Variants in NXPH2 observed in about 807,000 individuals in gnomAD.
NXPH2 encodes the protein neurexophilin-2.
NXPH2 carries 5 observed loss-of-function variants against 19.8 expected under a neutral mutation model. That is an observed-to-expected ratio of 0.25 (90% confidence interval 0.13 to 0.53). NXPH2 has a LOEUF of 0.53. Among genes scored for constraint, NXPH2 ranks in the 20% least tolerant of loss-of-function variants. The pLI is 0.96. For synonymous variants in NXPH2, 154 were observed against 127.4 expected (o/e 1.21, Z -1.41); for missense variants, 289 against 322.8 (o/e 0.90, Z 0.80).
At chr2:138,723,270 G>A (rs1315066645) in intron 1 of NXPH2, among the ~76,000 whole-genome samples, 1 of 152,174 alleles carries the variant, frequency 6.6e-6, no homozygotes, top group Non-Finnish European at 1.5e-5. Context: ...AGCAGTGGCA[G>A]AGGATTTAGT....
At chr2:138,750,880 T>A (rs1020873627) in intron 1 of NXPH2, among the ~76,000 whole-genome samples, 2 of 152,106 alleles carry the variant, frequency 1.3e-5, no homozygotes, top group African/African-American at 4.8e-5. Flanking sequence ...TGGGACCTGG[T>A]AGGAGGTGAT....
chr2:138,671,463 G>A lies in NXPH2; in HGVS notation c.254C>T (p.Ala85Val). ...DSMENFWDWL[A>V]NITEIQEPLA... ...TGGCTCCTGAATCTCCGTGATGTTGGCCAGCCAATCCCAAAAGTTTTCCAT... is the reference window on the plus strand; with the variant it reads ...TGGCTCCTGAATCTCCGTGATGTTGACCAGCCAATCCCAAAAGTTTTCCAT... The change falls in exon 2 of 2, where the codon GCC (alanine) becomes GTC (valine). Residue 85 changes from alanine (A) to valine (V), a missense_variant. Physicochemically the swap from Ala to Val is moderately conservative, Grantham distance 64. Transcript: ENST00000272641. The A allele has an allele frequency of 2.5e-6, 4 of 1,613,826 alleles. No individual in the cohort carries two copies. The highest frequency in any genetic ancestry group is 3.4e-6 in the Non-Finnish European group (4 of 1,179,772).
intron 1 of NXPH2, among the ~76,000 whole-genome samples, chr2:138,701,815 A>T (rs1680927210): frequency 6.6e-6 from 1 of 152,208 alleles, no homozygotes. Context: ...AACTTGCCTC[A>T]TTCATCTGGG....
At chr2:138,746,826 T>C (rs946322106) in intron 1 of NXPH2, among the ~76,000 whole-genome samples, 1 of 152,172 alleles carries the variant, frequency 6.6e-6, no homozygotes, top group Non-Finnish European at 1.5e-5. Flanking sequence ...CACCACATAC[T>C]GCCTTTCATT....
At chr2:138,757,854 T>TATCTATC (rs899452143) in intron 1 of NXPH2, among the ~76,000 whole-genome samples, 9 of 150,774 alleles carry the variant, frequency 6.0e-5, no homozygotes, top group African/African-American at 2.2e-4. Flanking sequence ...TCTATCTATC[T>TATCTATC]ATCTATCTAT....
chr2:138,774,368 C>T (rs896371375), intron 1 of NXPH2, among the ~76,000 whole-genome samples: 4 of 152,128 alleles, frequency 2.6e-5, no homozygotes, highest in Non-Finnish European at 4.4e-5. Context: ...AGTAATCCAT[C>T]TTGTAGTGTT....
chr2:138,729,605 G>A (rs1681415110), intron 1 of NXPH2, among the ~76,000 whole-genome samples: 1 of 152,150 alleles, frequency 6.6e-6, no homozygotes, highest in African/African-American at 2.4e-5. Context: ...AACACAATCT[G>A]AATTTTTTGC....
chr2:138,737,419 T>A lies in NXPH2; in HGVS notation c.51+42772A>T, dbSNP rs1197732002. On this transcript the variant is annotated intron_variant, in intron 1 of 1. Transcript: ENST00000272641. ...CAGATCTTGTGAGACTTATTCACTA[T>A]CATGAGAACAGTATGAAAGAAACTG... Among the ~76,000 whole-genome samples the A allele has an allele frequency of 2.0e-5, 3 of 152,190 alleles. No homozygotes were observed. In the South Asian group the frequency reaches 6.2e-4, roughly 32 times the overall value.
rs56051095 is a variant in NXPH2, at chr2:138,678,732, A to G, written c.52-7067T>C. On this transcript the variant is annotated intron_variant, in intron 1 of 1. Coordinates refer to ENST00000272641, the MANE Select transcript of NXPH2 (RefSeq NM_007226.3). ...GATAGTTGATAGCTCTATAAAAAAG[A>G]GCTTATTCTATGAATATCTTATACA... Among the ~76,000 whole-genome samples the G allele has an allele frequency of 3.4e-3, 520 of 152,342 alleles. 3 individuals are homozygous for G. Among genetic ancestry groups the G allele is most frequent in the African/African-American group, 0.012 (500 of 41,580 alleles).
intron 1 of NXPH2, among the ~76,000 whole-genome samples, chr2:138,679,652 T>G (rs1272335340): frequency 6.6e-6 from 1 of 152,120 alleles, no homozygotes. Flanking sequence ...CACCCGCCTC[T>G]GCCTCCCAAA....
At chr2:138,763,165 TATC>T (rs1682044230) in intron 1 of NXPH2, among the ~76,000 whole-genome samples, 1 of 152,138 alleles carries the variant, frequency 6.6e-6, no homozygotes, top group African/African-American at 2.4e-5. Context: ...AGCATATAAA[TATC>T]AGCAAATTAA....
rs189187441 is a variant in NXPH2 at position 138,718,263 on chromosome 2, T to C, written c.52-46598A>G. 3.9e-5 allele frequency among the ~76,000 whole-genome samples: 6 copies of C among 152,046 alleles called. No homozygotes were observed. In the East Asian group the frequency reaches 7.7e-4, roughly 20 times the overall value. On this transcript the variant is annotated intron_variant, in intron 1 of 1. Transcript: ENST00000272641. ...AAATTTTACATACTGTTGAAATTAG[T>C]GAAAAGACAATTTAAAAAATTTCTA...
intron 1 of NXPH2, among the ~76,000 whole-genome samples, chr2:138,679,558 G>A (rs1680539015): frequency 6.6e-6 from 1 of 151,930 alleles, no homozygotes; most frequent in Non-Finnish European, 1.5e-5. Flanking sequence ...TCGCCACCAC[G>A]CCCGGCTAAT....
intron 1 of NXPH2, among the ~76,000 whole-genome samples, chr2:138,686,155 T>C (rs895554073): frequency 6.6e-6 from 1 of 152,180 alleles, no homozygotes; most frequent in African/African-American, 2.4e-5. Flanking sequence ...CCAGGAAATA[T>C]AATGGAAATG....
intron 1 of NXPH2, among the ~76,000 whole-genome samples, chr2:138,751,706 T>A (rs1269355747): frequency 6.6e-6 from 1 of 152,186 alleles, no homozygotes; most frequent in South Asian, 2.1e-4. Flanking sequence ...TCAGCTTTCA[T>A]GATGAATTAT....
At chr2:138,752,112 C>T (rs568790345) in intron 1 of NXPH2, among the ~76,000 whole-genome samples, 1 of 152,260 alleles carries the variant, frequency 6.6e-6, no homozygotes, top group South Asian at 2.1e-4. Context: ...CTGTATCTAA[C>T]AATGCGATAA....
At position 138,671,183 on chromosome 2, in the gene NXPH2, C is replaced by G; in HGVS notation, c.534G>C (p.Glu178Asp). The G allele has an allele frequency of 6.2e-7, 1 of 1,613,922 alleles. No homozygotes were observed. Among genetic ancestry groups the G allele is most frequent in the Non-Finnish European group, 8.5e-7 (1 of 1,179,858 alleles). The change falls in exon 2 of 2, where the codon GAG becomes GAC. Residue 178 changes from glutamate (E) to aspartate (D), a missense_variant. Glu to Asp is a conservative substitution (Grantham distance 45). Transcript: ENST00000272641. The stretch of plus-strand genomic sequence containing the variant: ...AATTGAAAGATTTGGATTCCTTGGT[C>G]TCCAAGGTAGACTGGGGGGAAACTT... ...EFEVSPQSTL[E>D]TKESKSFNCR...
chr2:138,714,499 A>G (rs1286692002), intron 1 of NXPH2, among the ~76,000 whole-genome samples: 1 of 152,156 alleles, frequency 6.6e-6, no homozygotes, highest in African/African-American at 2.4e-5. Flanking sequence ...AGAACCTTAA[A>G]GTCTTTTTGA....
chr2:138,715,639 A>G (rs1681186045), intron 1 of NXPH2, among the ~76,000 whole-genome samples: 1 of 152,184 alleles, frequency 6.6e-6, no homozygotes, highest in South Asian at 2.1e-4. Flanking sequence ...CTAGAAGCAG[A>G]CAGGAGGCTG....
Sources: allele counts gnomAD v4.1 joint callset (sites outside exome capture counted in the v4.1 genomes callset), GRCh38; gene constraint gnomAD v4.1.1; transcripts MANE v1.5; gene names NCBI Gene and HGNC (gene_info 2026-07-23, HGNC 2026-07-21).